The following KIAA0825 variants were observed in gnomAD, a reference collection of about 807,000 sequenced individuals.
KIAA0825 encodes uncharacterized protein KIAA0825.
Under a neutral mutation model 147.6 loss-of-function variants are expected in KIAA0825, and 119 were observed. That is an observed-to-expected ratio of 0.81 (90% CI 0.69 to 0.94). The LOEUF is 0.94. Among genes scored for constraint, KIAA0825 ranks in the 40% least tolerant of loss-of-function variants. KIAA0825 has a pLI of 0.00. For missense variants in KIAA0825, 1,381 were observed against 1,472.7 expected (o/e 0.94, Z 1.02); for synonymous variants, 470 against 518.1 (o/e 0.91, Z 1.26).
chr5:94,297,847 C>T (rs1425262606), intron 20 of KIAA0825, among the ~76,000 whole-genome samples: 4 of 151,156 alleles, frequency 2.6e-5, no homozygotes, highest in South Asian at 2.1e-4. Flanking sequence ...CCGCCCACCT[C>T]GGCCTCCCAA....
chr5:94,163,842 C>T (rs573085637), intron 20 of KIAA0825, among the ~76,000 whole-genome samples: 5 of 152,094 alleles, frequency 3.3e-5, no homozygotes, highest in Admixed American at 3.3e-4. Context: ...AAATAGAAGA[C>T]TGACCCAAAT....
At chr5:94,254,052 G>A (rs1776113906) in intron 20 of KIAA0825, among the ~76,000 whole-genome samples, 1 of 152,118 alleles carries the variant, frequency 6.6e-6, no homozygotes, top group Admixed American at 6.5e-5. Context: ...TATTAGCCTT[G>A]CCATTCTGAA....
intron 15 of KIAA0825, among the ~76,000 whole-genome samples, chr5:94,405,013 C>T (rs1751864921): frequency 6.6e-6 from 1 of 152,110 alleles, no homozygotes; most frequent in African/African-American, 2.4e-5. Flanking sequence ...GCTGAGCACA[C>T]ACAAAGTTGA....
At chr5:94,275,565 C>G (rs781613547) in intron 20 of KIAA0825, among the ~76,000 whole-genome samples, 2 of 151,930 alleles carry the variant, frequency 1.3e-5, no homozygotes, top group Non-Finnish European at 2.9e-5. Flanking sequence ...AGTTCGTACT[C>G]AAAAAAATCT....
Position 94,484,859 on chromosome 5 carries a change from G to A in KIAA0825, c.1042C>T (p.Leu348Phe), listed in dbSNP as rs1040545205. 2 of 1,537,650 alleles carry A rather than the reference G, an allele frequency of 1.3e-6. No individual in the cohort carries two copies. The highest frequency in any genetic ancestry group is 8.8e-7 in the Non-Finnish European group (1 of 1,137,286). Residue 348 changes from leucine (L) to phenylalanine (F), a missense_variant, in exon 6 of 21, where the codon CTC becomes TTC. Leu to Phe is a conservative substitution (Grantham distance 22). Transcript: ENST00000682413. The part of the protein sequence containing the change: ...PLDKVEFLSQ[L>F]IKSFMKLEKG... The stretch of plus-strand genomic sequence containing the variant: ...TCCAGTTTCATAAAGGATTTTATGA[G>A]CTGCGATAAGAATTCGACTTTGTCT...
chr5:94,462,534 T>C lies in KIAA0825; in HGVS notation c.2099A>G (p.Asn700Ser), dbSNP rs2150954949. 2.6e-6 allele frequency: 4 copies of C among 1,528,352 alleles called. No individual in the cohort carries two copies. Among genetic ancestry groups the C allele is most frequent in the Middle Eastern group, 1.7e-4 (1 of 5,882 alleles). The allele number at this position is 1,528,352 out of a possible 1,614,324, so 94.7% of individuals were successfully genotyped here. A position where few individuals can be genotyped will look rare whatever the true frequency, so the allele number is the denominator to read the frequency against. ...AGATGTACAAACTGACCATAACATG[T>C]TCTCAGTGCATATCAAAATTGTTGT... is the stretch of plus-strand genomic sequence containing the variant. ...DVTTILICTE[N>S]MLWSVCTSVQ... Residue 700 changes from asparagine to serine, a missense_variant, in exon 12 of 21, where the codon AAC (asparagine) becomes AGC (serine). Physicochemically the swap from Asn to Ser is conservative, Grantham distance 46. Transcript: ENST00000682413.
intron 5 of KIAA0825, among the ~76,000 whole-genome samples, chr5:94,498,792 A>G (rs1764686329): frequency 6.6e-6 from 1 of 152,190 alleles, no homozygotes; most frequent in Admixed American, 6.5e-5. Flanking sequence ...CTGGACTGCA[A>G]GGGAAGCTCT....
chr5:94,190,365 G>C (rs1036261889), intron 20 of KIAA0825, among the ~76,000 whole-genome samples: 1 of 151,954 alleles, frequency 6.6e-6, no homozygotes, highest in Non-Finnish European at 1.5e-5. Flanking sequence ...TCGCTCTGTC[G>C]CCCAGGCTGG....
At chr5:94,414,176 A>G (rs1753122767) in intron 15 of KIAA0825, 1 of 152,216 alleles carries the variant, frequency 6.6e-6, no homozygotes, top group African/African-American at 2.4e-5. Context: ...GAAAGTTAAG[A>G]AAACTGATTC....
intron 20 of KIAA0825, among the ~76,000 whole-genome samples, chr5:94,162,916 C>A (rs1203397833): frequency 6.6e-6 from 1 of 152,166 alleles, no homozygotes; most frequent in African/African-American, 2.4e-5. Flanking sequence ...GAAATAATAA[C>A]TTTTCACTAC....
At chr5:94,608,486 TATATA>T (rs1788038261) in intron 1 of KIAA0825, among the ~76,000 whole-genome samples, 2 of 50,698 alleles carry the variant, frequency 3.9e-5, no homozygotes, top group African/African-American at 1.7e-4. Context: ...TATATATATA[TATATA>T]ATTATATATA....
chr5:94,420,601 C>T (rs1038370256), intron 14 of KIAA0825, among the ~76,000 whole-genome samples: 2 of 152,046 alleles, frequency 1.3e-5, no homozygotes, highest in African/African-American at 4.8e-5. Flanking sequence ...TGACGTTCTG[C>T]GGATGCACAT....
Position 94,565,005 on chromosome 5 carries a change from TCTCC to T in KIAA0825, c.-2+17424_-2+17427del, listed in dbSNP as rs199683753. 3.6e-3 allele frequency among the ~76,000 whole-genome samples: 457 copies of T among 127,754 alleles called. 4 individuals carry two copies. The highest frequency in any genetic ancestry group is 0.013 in the African/African-American group (431 of 33,200). 83.8% of individuals were successfully genotyped at this position (127,754 alleles called of 152,430 possible). On this transcript the variant is annotated intron_variant, in intron 2 of 20. Transcript: ENST00000682413. ...TCTCTTCTCTTCTCCTCTCTCTCTCTCTCCCTCTCTCTCTCTCTCTCTCTTTCTT... is the reference window on the plus strand; with the variant it reads ...TCTCTTCTCTTCTCCTCTCTCTCTCTCTCTCTCTCTCTCTCTCTCTTTCTT...
intron 1 of KIAA0825, among the ~76,000 whole-genome samples, chr5:94,588,886 T>C (rs1465200174): frequency 3.3e-5 from 5 of 152,088 alleles, no homozygotes; most frequent in South Asian, 4.1e-4. Flanking sequence ...TGGATGAAGC[T>C]AGAAACCATC....
intron 20 of KIAA0825, among the ~76,000 whole-genome samples, chr5:94,211,296 C>T (rs957866264): frequency 5.3e-5 from 8 of 152,122 alleles, no homozygotes; most frequent in African/African-American, 1.9e-4. Context: ...TTCTTGGTAC[C>T]AATAACTCAG....
chr5:94,186,948 C>A (rs375682117), intron 20 of KIAA0825, among the ~76,000 whole-genome samples: 1 of 152,052 alleles, frequency 6.6e-6, no homozygotes, highest in South Asian at 2.1e-4. Context: ...TGTAGTAGAG[C>A]CATTTGCAGA....
At chr5:94,447,130 G>A (rs1757828443) in intron 13 of KIAA0825, among the ~76,000 whole-genome samples, 2 of 152,046 alleles carry the variant, frequency 1.3e-5, no homozygotes, top group Admixed American at 1.3e-4. Context: ...TTTGGTTATG[G>A]TGAGTTTGAG....
chr5:94,395,916 AGAC>A (rs571124954), intron 17 of KIAA0825, among the ~76,000 whole-genome samples, 182 bp downstream of exon 17: 225 of 152,318 alleles, frequency 1.5e-3, no homozygotes, highest in Non-Finnish European at 2.6e-3. Flanking sequence ...CATTTTAAGA[AGAC>A]AAGAAATGTG....
chr5:94,432,100 G>A (rs1755749376), intron 14 of KIAA0825, among the ~76,000 whole-genome samples: 1 of 152,148 alleles, frequency 6.6e-6, no homozygotes, highest in African/African-American at 2.4e-5. Flanking sequence ...TAAGTAAATT[G>A]TCTTTTTATA....
Sources: allele counts gnomAD v4.1 joint callset (sites outside exome capture counted in the v4.1 genomes callset), GRCh38; gene constraint gnomAD v4.1.1; transcripts MANE v1.5; gene names NCBI Gene and HGNC (gene_info 2026-07-23, HGNC 2026-07-21).